The following SCLT1 variants were observed in gnomAD, a reference collection of about 807,000 sequenced individuals.
The protein encoded by SCLT1 is sodium channel and clathrin linker 1.
Under a neutral mutation model 112.8 loss-of-function variants are expected in SCLT1, and 78 were observed. That is an observed-to-expected ratio of 0.69 (90% CI 0.58 to 0.83). The LOEUF is 0.83. Ranked by LOEUF, SCLT1 falls within the 40% of genes least tolerant of loss-of-function variation. SCLT1 has a pLI of 0.00. For missense variants in SCLT1, 747 were observed against 770.4 expected (o/e 0.97, Z 0.36); for synonymous variants, 257 against 254.7 (o/e 1.01, Z -0.09).
chr4:129,017,328 A>G (rs914034406), intron 5 of SCLT1, among the ~76,000 whole-genome samples: 1 of 152,160 alleles, frequency 6.6e-6, no homozygotes, highest in Non-Finnish European at 1.5e-5. Flanking sequence ...ATAAACAGAA[A>G]TGTACATGTA....
intron 10 of SCLT1, among the ~76,000 whole-genome samples, chr4:128,967,486 A>G (rs2126027729): frequency 6.6e-6 from 1 of 152,300 alleles, no homozygotes; most frequent in South Asian, 2.1e-4. Flanking sequence ...GTGGATAAAC[A>G]TTCCCTTTTC....
intron 14 of SCLT1, among the ~76,000 whole-genome samples, chr4:128,949,217 G>GTT (rs77768210): frequency 3.7e-4 from 37 of 100,704 alleles, no homozygotes; most frequent in South Asian, 6.6e-4. Context: ...TGTATGGCTT[G>GTT]TTTTTTTTTT....
At chr4:128,888,566 T>C in intron 20 of SCLT1, 113 bp downstream of exon 20, 1 of 580,156 alleles carries the variant, frequency 1.7e-6, no homozygotes, top group Non-Finnish European at 3.0e-6. Context: ...ATTAAAGGGA[T>C]TAATTTTAAA....
At chr4:128,897,705 CCAATTAAA>C in intron 18 of SCLT1, among the ~76,000 whole-genome samples, 1 of 152,106 alleles carries the variant, frequency 6.6e-6, no homozygotes, top group East Asian at 1.9e-4. Context: ...GCTAAATGCT[CCAATTAAA>C]AGACACAGGC....
chr4:129,049,849 T>C (rs553596833), intron 2 of SCLT1, among the ~76,000 whole-genome samples: 62 of 151,446 alleles, frequency 4.1e-4, no homozygotes, highest in African/African-American at 1.4e-3. Flanking sequence ...GTTTTAACCC[T>C]GCATGCATTA....
intron 18 of SCLT1, among the ~76,000 whole-genome samples, chr4:128,907,002 G>T (rs570234939): frequency 4.9e-4 from 75 of 152,132 alleles, no homozygotes; most frequent in Non-Finnish European, 9.4e-4. Flanking sequence ...ATAGCAGTTA[G>T]ATGGAAAAAG....
intron 2 of SCLT1, among the ~76,000 whole-genome samples, chr4:129,049,931 T>A (rs1748601938): frequency 6.6e-6 from 1 of 152,092 alleles, no homozygotes; most frequent in South Asian, 2.1e-4. Flanking sequence ...GATGTTCCCC[T>A]CCTTGTGTCC....
chr4:128,935,204 T>G (rs1378275222), intron 18 of SCLT1, among the ~76,000 whole-genome samples: 1 of 152,006 alleles, frequency 6.6e-6, no homozygotes, highest in Admixed American at 6.6e-5. Context: ...TAGTGCTCTT[T>G]GTAGATGCTT....
intron 18 of SCLT1, among the ~76,000 whole-genome samples, chr4:128,919,957 T>A (rs1735755575): frequency 6.6e-6 from 1 of 152,090 alleles, no homozygotes; most frequent in Non-Finnish European, 1.5e-5. Flanking sequence ...ACAGCCAAAT[T>A]CTACCAGATG....
intron 2 of SCLT1, among the ~76,000 whole-genome samples, chr4:129,080,205 AAATTTCTGCAGCCAGCTTC>A (rs937246502): frequency 6.6e-6 from 1 of 152,212 alleles, no homozygotes; most frequent in African/African-American, 2.4e-5. Flanking sequence ...TTACTTATGC[AAATTTCTGCAGCCAGCTTC>A]AATTTCTCCC....
At chr4:128,899,894 G>C (rs1734123909) in intron 18 of SCLT1, among the ~76,000 whole-genome samples, 1 of 152,090 alleles carries the variant, frequency 6.6e-6, no homozygotes, top group South Asian at 2.1e-4. Flanking sequence ...GACAAACAGA[G>C]AGCCAAATCA....
chr4:129,067,774 A>C (rs1208414818), intron 2 of SCLT1, among the ~76,000 whole-genome samples: 1 of 151,738 alleles, frequency 6.6e-6, no homozygotes, highest in African/African-American at 2.4e-5. Context: ...GGCCTCCCTA[A>C]GTGCTGGGAT....
chr4:128,874,843 G>A lies in SCLT1; in HGVS notation n.356-377C>T, dbSNP rs775486944. On this transcript the variant is annotated intron_variant and non_coding_transcript_variant, in intron 4 of 7. Transcript: ENST00000503565. ...AGTTAAACTTTTGTAAAGTTGCCTG[G>A]AATGTCATTTGTTAGGTTATAAACA... is the stretch of plus-strand genomic sequence containing the variant. 2.9e-4 allele frequency: 44 copies of A among 152,552 alleles called. 1 individual carries two copies. Among genetic ancestry groups the A allele is most frequent in the Non-Finnish European group, 4.6e-4 (31 of 67,996 alleles). The allele number at this position is 152,552 out of a possible 1,614,324, so 9.4% of individuals were successfully genotyped here.
chr4:128,962,438 C>T (rs756545572), intron 11 of SCLT1, among the ~76,000 whole-genome samples: 2 of 152,160 alleles, frequency 1.3e-5, no homozygotes, highest in East Asian at 3.8e-4. Flanking sequence ...ATCTTAAGAA[C>T]AGACGTTAAT....
At chr4:128,975,563 A>G (rs1380268380) in intron 9 of SCLT1, among the ~76,000 whole-genome samples, 1 of 152,132 alleles carries the variant, frequency 6.6e-6, no homozygotes, top group East Asian at 1.9e-4. Flanking sequence ...GAATCCTAGA[A>G]ATGTTTATGC....
At chr4:128,895,351 A>T (rs1733656967) in intron 18 of SCLT1, among the ~76,000 whole-genome samples, 1 of 152,212 alleles carries the variant, frequency 6.6e-6, no homozygotes, top group South Asian at 2.1e-4. Context: ...AGAATGTCAT[A>T]AGATCCTCCA....
At chr4:129,022,210 A>T (rs1197659808) in intron 5 of SCLT1, among the ~76,000 whole-genome samples, 3 of 152,226 alleles carry the variant, frequency 2.0e-5, no homozygotes, top group African/African-American at 7.2e-5. Flanking sequence ...AAACGCAGAA[A>T]ATTCCAAAAA....
intron 9 of SCLT1, chr4:128,971,527 C>T (rs1049544336): frequency 6.6e-6 from 1 of 152,062 alleles, no homozygotes; most frequent in Admixed American, 6.6e-5. Context: ...TGAATTAATA[C>T]TACTATTATA....
At chr4:129,061,672 G>A (rs1265521529) in intron 2 of SCLT1, among the ~76,000 whole-genome samples, 1 of 152,050 alleles carries the variant, frequency 6.6e-6, no homozygotes, top group Admixed American at 6.5e-5. Flanking sequence ...GCGTGGATGG[G>A]GTGAGGGGAA....
Sources: gnomAD v4.1 joint callset for allele counts (sites outside exome capture counted in the v4.1 genomes callset) on GRCh38, gnomAD v4.1.1 for gene constraint, MANE v1.5 for transcripts, NCBI Gene and HGNC (gene_info 2026-07-23, HGNC 2026-07-21) for gene names.